Variants in VTI1A observed in about 807,000 individuals in gnomAD.
The protein encoded by VTI1A is vesicle transport through interaction with t-SNAREs 1A, also known as vesicle transport through interaction with t-SNAREs homolog 1A.
Under a neutral mutation model 34.9 loss-of-function variants are expected in VTI1A, and 22 were observed. The observed-to-expected ratio is 0.63, with a 90% CI of 0.45 to 0.90. VTI1A has a LOEUF of 0.90. Ranked by LOEUF, VTI1A falls within the 40% of genes least tolerant of loss-of-function variation. The probability of loss-of-function intolerance (pLI) is 0.00; values close to 1 mark genes in which losing one functional copy is unlikely to be tolerated. For synonymous variants in VTI1A, 87 were observed against 97.3 expected (o/e 0.89, Z 0.62); for missense variants, 268 against 275.6 (o/e 0.97, Z 0.20).
chr10:112,677,620 T>A (rs1251155654), intron 7 of VTI1A: 1 of 151,906 alleles, frequency 6.6e-6, no homozygotes, highest in Non-Finnish European at 1.5e-5. Flanking sequence ...CCTAGACAGG[T>A]TTAGAATTTC....
At chr10:112,602,478 C>G (rs1263672919) in intron 5 of VTI1A, among the ~76,000 whole-genome samples, 1 of 152,216 alleles carries the variant, frequency 6.6e-6, no homozygotes, top group Non-Finnish European at 1.5e-5. Flanking sequence ...TTCTTTCAGA[C>G]TGATCCTTAA....
chr10:112,652,453 G>GCTCA (rs1232639776), intron 5 of VTI1A, among the ~76,000 whole-genome samples: 2 of 152,190 alleles, frequency 1.3e-5, no homozygotes, highest in Non-Finnish European at 2.9e-5. Flanking sequence ...AGTTGCAGGG[G>GCTCA]CTCACGCCTG....
At chr10:112,469,147 T>A (rs1847998332) in intron 3 of VTI1A, among the ~76,000 whole-genome samples, 1 of 152,222 alleles carries the variant, frequency 6.6e-6, no homozygotes, top group South Asian at 2.1e-4. Flanking sequence ...CCATTGCTTC[T>A]TCACGTGTCT....
intron 5 of VTI1A, among the ~76,000 whole-genome samples, chr10:112,570,488 A>G (rs1336560594): frequency 6.6e-6 from 1 of 152,222 alleles, no homozygotes; most frequent in African/African-American, 2.4e-5. Context: ...AGTTGGAAAA[A>G]TTAGTATCAA....
chr10:112,540,031 C>T (rs1010866408), intron 5 of VTI1A, among the ~76,000 whole-genome samples: 1 of 152,148 alleles, frequency 6.6e-6, no homozygotes, highest in Non-Finnish European at 1.5e-5. Flanking sequence ...CATTGGTCAG[C>T]CTCTTTCCAC....
chr10:112,685,303 T>C (rs1273080932), intron 7 of VTI1A, among the ~76,000 whole-genome samples: 2 of 152,226 alleles, frequency 1.3e-5, no homozygotes, highest in Non-Finnish European at 2.9e-5. Context: ...GTATCTCTTA[T>C]GTTTGTCATG....
intron 5 of VTI1A, among the ~76,000 whole-genome samples, chr10:112,635,656 A>G (rs1846326838): frequency 6.6e-6 from 1 of 152,220 alleles, no homozygotes; most frequent in African/African-American, 2.4e-5. Flanking sequence ...GTGAGAGGTT[A>G]CAACAGTAGG....
intron 7 of VTI1A, among the ~76,000 whole-genome samples, chr10:112,811,642 C>T (rs1437913823): frequency 1.4e-5 from 2 of 142,360 alleles, no homozygotes; most frequent in Non-Finnish European, 3.0e-5. Context: ...CGAGATTGCG[C>T]CACTGCACTC....
chr10:112,495,861 A>C (rs1380847199), intron 3 of VTI1A, among the ~76,000 whole-genome samples: 2 of 152,346 alleles, frequency 1.3e-5, no homozygotes, highest in Non-Finnish European at 2.9e-5. Context: ...TTATGAAAAA[A>C]GCTTCTAATC....
chr10:112,734,350 G>A (rs956108522), intron 7 of VTI1A, among the ~76,000 whole-genome samples: 4 of 152,096 alleles, frequency 2.6e-5, no homozygotes, highest in Non-Finnish European at 5.9e-5. Flanking sequence ...ATCCCTTTGT[G>A]TGTCCTGTTT....
chr10:112,638,735 A>AT (rs11420607), intron 5 of VTI1A, among the ~76,000 whole-genome samples: 84,219 of 139,850 alleles, frequency 0.6, 25,766 homozygotes, highest in Non-Finnish European at 0.68. Flanking sequence ...TATTTCTTTA[A>AT]TTTTTTTTTT....
chr10:112,684,437 C>CTTTTTTT (rs35671432), intron 7 of VTI1A, among the ~76,000 whole-genome samples: 1 of 123,466 alleles, frequency 8.1e-6, no homozygotes, highest in Non-Finnish European at 1.7e-5. Flanking sequence ...ATGCTCATCT[C>CTTTTTTT]TTTTTTTTTT....
intron 7 of VTI1A, among the ~76,000 whole-genome samples, chr10:112,728,894 A>G (rs1331731597): frequency 6.6e-6 from 1 of 152,170 alleles, no homozygotes. Context: ...TAAGAGATCA[A>G]TGTTTTTATT....
At chr10:112,674,469 G>A (rs1396119545) in intron 7 of VTI1A, among the ~76,000 whole-genome samples, 1 of 152,154 alleles carries the variant, frequency 6.6e-6, no homozygotes, top group East Asian at 1.9e-4. Context: ...CATGGGTAAC[G>A]TTTTTACCAA....
intron 2 of VTI1A, among the ~76,000 whole-genome samples, chr10:112,460,977 T>C (rs1847708753): frequency 6.6e-6 from 1 of 152,234 alleles, no homozygotes; most frequent in South Asian, 2.1e-4. Context: ...TATTTTCTGC[T>C]ATTTGCAAAC....
the VTI1A span, among the ~76,000 whole-genome samples, chr10:112,833,723 G>A: frequency 6.6e-6 from 1 of 152,148 alleles, no homozygotes; most frequent in Admixed American, 6.5e-5. Flanking sequence ...GTCTGGGGCT[G>A]ACACTCTATT....
intron 3 of VTI1A, among the ~76,000 whole-genome samples, chr10:112,486,623 A>G (rs1002784793): frequency 1.4e-5 from 1 of 69,702 alleles, no homozygotes; most frequent in South Asian, 3.9e-4. Flanking sequence ...ACTGTACACA[A>G]TAATCATTAG....
chr10:112,773,394 C>T (rs149596391), intron 7 of VTI1A, among the ~76,000 whole-genome samples: 1 of 152,192 alleles, frequency 6.6e-6, no homozygotes, highest in Non-Finnish European at 1.5e-5. Context: ...ACACTGAACA[C>T]TAACTGAACT....
At chr10:112,532,117 A>T (rs1850467324) in intron 4 of VTI1A, among the ~76,000 whole-genome samples, 1 of 152,220 alleles carries the variant, frequency 6.6e-6, no homozygotes, top group African/African-American at 2.4e-5. Flanking sequence ...TTAAAATCTT[A>T]TTCTTTGGTA....
Sources: allele counts gnomAD v4.1 joint callset (sites outside exome capture counted in the v4.1 genomes callset), GRCh38; gene constraint gnomAD v4.1.1; transcripts MANE v1.5; gene names NCBI Gene and HGNC (gene_info 2026-07-23, HGNC 2026-07-21).